The following LRP1B variants were observed in gnomAD, a reference collection of about 807,000 sequenced individuals.
LRP1B encodes the protein LDL receptor related protein 1B.
Under a neutral mutation model 556.6 loss-of-function variants are expected in LRP1B, and 217 were observed. The observed-to-expected ratio is 0.39, with a 90% CI of 0.35 to 0.44. The LOEUF (loss-of-function observed/expected upper bound fraction) is 0.44. Ranked by LOEUF, LRP1B falls within the 20% of genes least tolerant of loss-of-function variation. The pLI is 1.00. For synonymous variants in LRP1B, 2,047 were observed against 1,865.8 expected, an observed-to-expected ratio of 1.10 and a Z score of -2.50; for missense variants, 5,053 against 5,620.8, an observed-to-expected ratio of 0.90 and a Z score of 3.23.
chr2:141,523,376 T>C (rs564768865), intron 2 of LRP1B, among the ~76,000 whole-genome samples: 2 of 152,258 alleles, frequency 1.3e-5, no homozygotes, highest in South Asian at 4.1e-4. Context: ...CCTTACTTTC[T>C]AGTTATGACA....
At chr2:141,967,061 C>T (rs1377584258) in intron 1 of LRP1B, among the ~76,000 whole-genome samples, 1 of 151,892 alleles carries the variant, frequency 6.6e-6, no homozygotes, top group Non-Finnish European at 1.5e-5. Flanking sequence ...TTCCCATCTC[C>T]AACTTCTTCT....
At chr2:141,977,865 T>C (rs1034867481) in intron 1 of LRP1B, among the ~76,000 whole-genome samples, 7 of 152,146 alleles carry the variant, frequency 4.6e-5, no homozygotes, top group Non-Finnish European at 1.0e-4. Flanking sequence ...TTCTCTGTGG[T>C]TCATACAAGC....
chr2:141,054,796 T>C lies in LRP1B; in HGVS notation c.1552+320A>G, dbSNP rs112864900. ...GCATATTGGTTCAAATAAGAGGAAA[T>C]CTGATCAACTAATCATTCCAACTTA... On this transcript the variant is annotated intron_variant, in intron 10 of 90. Transcript: ENST00000389484. Among the ~76,000 whole-genome samples the C allele has an allele frequency of 5.3e-3, 801 of 152,042 alleles. 8 individuals carry two copies. The highest frequency in any genetic ancestry group is 0.018 in the African/African-American group (757 of 41,510).
At chr2:141,329,114 A>T (rs543518301) in intron 3 of LRP1B, among the ~76,000 whole-genome samples, 114 of 152,156 alleles carry the variant, frequency 7.5e-4, no homozygotes, top group Non-Finnish European at 1.5e-3. Flanking sequence ...CTGACCAGGC[A>T]CAGTGGCTTA....
chr2:140,516,746 A>G (rs1295964642), intron 50 of LRP1B, 143 bp downstream of exon 50: 6 of 757,462 alleles, frequency 7.9e-6, no homozygotes, highest in Non-Finnish European at 1.2e-5. Flanking sequence ...TTTAATCTTT[A>G]CCATTTTTGT....
chr2:141,016,058 G>A (rs1034510800), intron 12 of LRP1B, 143 bp from the exon 13 acceptor site: 8 of 653,578 alleles, frequency 1.2e-5, no homozygotes, highest in South Asian at 1.8e-5. Flanking sequence ...CTGTCAAAGA[G>A]GGGGGAGCTG....
intron 18 of LRP1B, among the ~76,000 whole-genome samples, chr2:140,969,948 C>T (rs1033579329): frequency 6.6e-6 from 1 of 152,128 alleles, no homozygotes; most frequent in Non-Finnish European, 1.5e-5. Context: ...CTCTGGCCGC[C>T]CTTAACATTT....
intron 29 of LRP1B, among the ~76,000 whole-genome samples, chr2:140,841,311 A>G (rs1207743241): frequency 6.6e-6 from 1 of 152,206 alleles, no homozygotes; most frequent in Non-Finnish European, 1.5e-5. Context: ...CTGAAGCAAC[A>G]ATTAGCATTG....
intron 1 of LRP1B, among the ~76,000 whole-genome samples, chr2:141,906,128 A>G (rs1298595781): frequency 1.3e-5 from 2 of 151,674 alleles, no homozygotes; most frequent in Non-Finnish European, 2.9e-5. Flanking sequence ...TATTTATTTG[A>G]GGCAGGGATC....
At chr2:140,573,561 A>C (rs1335763395) in intron 43 of LRP1B, among the ~76,000 whole-genome samples, 1 of 152,024 alleles carries the variant, frequency 6.6e-6, no homozygotes, top group East Asian at 1.9e-4. Context: ...GATAGAATGC[A>C]CTGAGTTTTT....
intron 2 of LRP1B, among the ~76,000 whole-genome samples, chr2:141,641,026 T>G (rs1689311628): frequency 6.6e-6 from 1 of 152,176 alleles, no homozygotes; most frequent in Non-Finnish European, 1.5e-5. Flanking sequence ...TGAAGTTAGT[T>G]TACTCAATAT....
chr2:141,603,844 A>G lies in LRP1B; in HGVS notation c.206-123311T>C, dbSNP rs562158109. Among the ~76,000 whole-genome samples the G allele has an allele frequency of 2.8e-4, 43 of 152,302 alleles. No homozygotes were observed. The South Asian group carries it at 8.5e-3, about 30-fold the overall frequency. On this transcript the variant is annotated intron_variant, in intron 2 of 90. Coordinates refer to ENST00000389484, the MANE Select transcript of LRP1B (RefSeq NM_018557.3). ...AACATATTCTGAAGAAAACTTCTTG[A>G]GGATACTACTATAATTAAAAATATT... is the stretch of plus-strand genomic sequence containing the variant.
chr2:140,823,610 T>C (rs1056620190), intron 31 of LRP1B, among the ~76,000 whole-genome samples: 10 of 152,078 alleles, frequency 6.6e-5, no homozygotes, highest in Non-Finnish European at 1.5e-4. Context: ...AAAGTGGTGT[T>C]ACAATGACAT....
At chr2:140,742,710 T>C (rs1288990993) in intron 35 of LRP1B, among the ~76,000 whole-genome samples, 1 of 152,114 alleles carries the variant, frequency 6.6e-6, no homozygotes, top group African/African-American at 2.4e-5. Context: ...ATTGCTGTGA[T>C]TACAGGTGCG....
chr2:142,081,557 C>T (rs1052298437), intron 1 of LRP1B, among the ~76,000 whole-genome samples: 2 of 152,226 alleles, frequency 1.3e-5, no homozygotes. Context: ...AAACTCTACC[C>T]TGAGAAGGAG....
In LRP1B at chr2:140,676,439, C is replaced by CT. The variant is rs576563924; in HGVS notation, c.6799+23810dup. Among the ~76,000 whole-genome samples, 36 of 152,096 alleles carry CT rather than the reference C, an allele frequency of 2.4e-4. No individual in the cohort carries two copies. The East Asian group carries it at 4.4e-3, about 19-fold the overall frequency. ...AATTTAAAGCCAATGCTTTAGAATA[C>CT]TTTTTTTTAAAATCACCCCATTAAT... On this transcript the variant is annotated intron_variant, in intron 41 of 90. Transcript: ENST00000389484.
At chr2:141,182,575 G>T (rs1226629546) in intron 7 of LRP1B, among the ~76,000 whole-genome samples, 4 of 151,694 alleles carry the variant, frequency 2.6e-5, no homozygotes, top group African/African-American at 7.3e-5. Context: ...CCAGATACCT[G>T]GGAGAGAAGC....
At chr2:141,527,044 C>T (rs2105184586) in intron 2 of LRP1B, among the ~76,000 whole-genome samples, 1 of 152,122 alleles carries the variant, frequency 6.6e-6, no homozygotes, top group African/African-American at 2.4e-5. Flanking sequence ...TTTCAAGTGA[C>T]CATTCAAAAC....
chr2:141,013,958 A>G (rs888663135), intron 13 of LRP1B, among the ~76,000 whole-genome samples: 1 of 152,076 alleles, frequency 6.6e-6, no homozygotes, highest in African/African-American at 2.4e-5. Context: ...TTTTATCTAA[A>G]CCATTTATTA....
Sources: gnomAD v4.1 joint callset for allele counts (sites outside exome capture counted in the v4.1 genomes callset) on GRCh38, gnomAD v4.1.1 for gene constraint, MANE v1.5 for transcripts, NCBI Gene and HGNC (gene_info 2026-07-23, HGNC 2026-07-21) for gene names.